The following CEACAM3 variants were observed in gnomAD, a reference collection of about 807,000 sequenced individuals.
CEACAM3 encodes CEA cell adhesion molecule 3.
CEACAM3 carries 32 observed loss-of-function variants against 30.1 expected under a neutral mutation model. That is an observed-to-expected ratio of 1.06 (90% confidence interval 0.80 to 1.43). CEACAM3 has a LOEUF of 1.43. Ranked by LOEUF, CEACAM3 falls within the 40% of genes most tolerant of loss-of-function variation. The pLI, the probability that CEACAM3 is intolerant of heterozygous loss-of-function variation, is 0.00. For synonymous variants in CEACAM3, 134 were observed against 127.2 expected, an observed-to-expected ratio of 1.05 and a Z score of -0.36; for missense variants, 290 against 316.3, an observed-to-expected ratio of 0.92 and a Z score of 0.63.
intron 2 of CEACAM3, among the ~76,000 whole-genome samples, chr19:41,803,795 A>G (rs1038355092): frequency 8.8e-6 from 1 of 113,008 alleles, no homozygotes; most frequent in Non-Finnish European, 2.1e-5. Flanking sequence ...AAGAGTGGGA[A>G]AAGGCCGGGC....
intron 3 of CEACAM3, 185 bp from the exon 4 acceptor site, chr19:41,809,780 G>T: frequency 1.5e-6 from 1 of 659,384 alleles, no homozygotes; most frequent in Non-Finnish European, 2.8e-6. Flanking sequence ...GCTCAGGACA[G>T]ATGTGGGTTC....
intron 2 of CEACAM3, among the ~76,000 whole-genome samples, chr19:41,802,273 T>C (rs1240723828): frequency 2.0e-5 from 3 of 152,206 alleles, no homozygotes; most frequent in Non-Finnish European, 4.4e-5. Flanking sequence ...CCCTAGAGAC[T>C]TCTGGTGTCC....
intron 2 of CEACAM3, among the ~76,000 whole-genome samples, chr19:41,803,310 G>A (rs2073166868): frequency 1.3e-5 from 2 of 152,116 alleles, no homozygotes; most frequent in Non-Finnish European, 2.9e-5. Flanking sequence ...TAAGGTAAAT[G>A]AAGAATGCCC....
intron 2 of CEACAM3, among the ~76,000 whole-genome samples, chr19:41,803,953 T>C (rs1291636225): frequency 6.6e-6 from 1 of 151,996 alleles, no homozygotes; most frequent in Non-Finnish European, 1.5e-5. Flanking sequence ...TGATGACAGA[T>C]GCCTATAATC....
rs1370218942 is a variant in CEACAM3, at chr19:41,811,537, A to C, written c.*300A>C. On this transcript the variant is annotated 3_prime_UTR_variant, in exon 7 of 7. Coordinates refer to ENST00000357396, the MANE Select transcript of CEACAM3 (RefSeq NM_001815.5). The stretch of plus-strand genomic sequence containing the variant: ...GGTCACTTGGAAAGGATCTGAATAA[A>C]GGGGACCCTTCCTCTCATTAGCTGT... The C allele has an allele frequency of 1.6e-5, 6 of 377,852 alleles. No homozygotes were observed. Among genetic ancestry groups the C allele is most frequent in the Non-Finnish European group, 3.0e-5 (6 of 201,686 alleles). The allele number at this position is 377,852 out of a possible 1,614,324, so 23.4% of individuals were successfully genotyped here. A position where few individuals can be genotyped will look rare whatever the true frequency, so the allele number is the denominator to read the frequency against.
chr19:41,802,425 G>A (rs1320598324), intron 2 of CEACAM3, among the ~76,000 whole-genome samples: 1 of 152,212 alleles, frequency 6.6e-6, no homozygotes, highest in African/African-American at 2.4e-5. Flanking sequence ...TGGAGAGACC[G>A]ACAGGCAAAG....
intron 2 of CEACAM3, 149 bp from the exon 3 acceptor site, chr19:41,808,664 G>A: frequency 1.6e-6 from 1 of 641,446 alleles, no homozygotes; most frequent in Non-Finnish European, 2.7e-6. Flanking sequence ...GAAAGCAAGG[G>A]AATCTGTGAT....
In CEACAM3 at chr19:41,796,745, A is replaced by G. The variant is rs782592733; in HGVS notation, c.64+4A>G. ...TGGCAGGGGCTTCTGCTCACAGGTG[A>G]GTGGAGGATTCCTGGGAGTGGGCAA... On this transcript the variant is annotated splice_donor_region_variant and intron_variant, in intron 1 of 6. Transcript: ENST00000357396. The G allele has an allele frequency of 3.1e-6, 5 of 1,611,028 alleles. No individual in the cohort carries two copies. In the African/African-American group the frequency reaches 6.7e-5, roughly 22 times the overall value.
intron 2 of CEACAM3, among the ~76,000 whole-genome samples, chr19:41,802,951 C>T (rs2073164016): frequency 6.6e-6 from 1 of 152,116 alleles, no homozygotes; most frequent in Non-Finnish European, 1.5e-5. Flanking sequence ...ACCACAGAAC[C>T]CTTCCCTCCC....
At chr19:41,807,050 T>G (rs2123015623) in intron 2 of CEACAM3, 3 of 1,605,126 alleles carry the variant, frequency 1.9e-6, no homozygotes, top group East Asian at 2.2e-5. Context: ...CTGATTAAAA[T>G]ATGCCTGTGG....
At chr19:41,799,212 T>C (rs2073127716) in intron 2 of CEACAM3, among the ~76,000 whole-genome samples, 1 of 152,160 alleles carries the variant, frequency 6.6e-6, no homozygotes, top group Non-Finnish European at 1.5e-5. Context: ...GATTGGATCA[T>C]GGGGGGCTGT....
intron 2 of CEACAM3, among the ~76,000 whole-genome samples, chr19:41,799,680 G>T (rs373808180): frequency 5.3e-5 from 8 of 152,238 alleles, no homozygotes; most frequent in African/African-American, 1.9e-4. Context: ...CCCACAGGAG[G>T]ATAAAACACT....
At chr19:41,798,113 T>A in intron 2 of CEACAM3, 165 bp downstream of exon 2, 1 of 1,213,888 alleles carries the variant, frequency 8.2e-7, no homozygotes, top group Non-Finnish European at 1.1e-6. Context: ...CTTCCACAGA[T>A]CAGAATTCCT....
intron 2 of CEACAM3, among the ~76,000 whole-genome samples, chr19:41,801,315 G>T (rs2073144939): frequency 6.6e-6 from 1 of 152,202 alleles, no homozygotes; most frequent in African/African-American, 2.4e-5. Context: ...TCATGAGCCA[G>T]TGTCCCCAGG....
At chr19:41,798,527 G>T (rs2073122148) in intron 2 of CEACAM3, among the ~76,000 whole-genome samples, 1 of 152,242 alleles carries the variant, frequency 6.6e-6, no homozygotes, top group African/African-American at 2.4e-5. Flanking sequence ...TCCTGGGCAA[G>T]GACAGGGCCT....
intron 2 of CEACAM3, among the ~76,000 whole-genome samples, chr19:41,804,783 G>A (rs1435697893): frequency 6.6e-6 from 1 of 151,198 alleles, no homozygotes; most frequent in Non-Finnish European, 1.5e-5. Context: ...CAGACCTTTC[G>A]ACCATTAATA....
At chr19:41,801,695 G>A (rs1159455146) in intron 2 of CEACAM3, among the ~76,000 whole-genome samples, 2 of 152,138 alleles carry the variant, frequency 1.3e-5, no homozygotes, top group Admixed American at 6.5e-5. Context: ...AACTGATCCT[G>A]GTGTGCTGAA....
At chr19:41,801,206 G>C (rs2073143970) in intron 2 of CEACAM3, among the ~76,000 whole-genome samples, 1 of 152,140 alleles carries the variant, frequency 6.6e-6, no homozygotes, top group Non-Finnish European at 1.5e-5. Context: ...AAGACTGGCT[G>C]TTCTGTTCCC....
At chr19:41,811,020 G>T (rs1048809800) in intron 6 of CEACAM3, 123 bp downstream of exon 6, 11 of 1,258,678 alleles carry the variant, frequency 8.7e-6, no homozygotes, top group Non-Finnish European at 1.2e-5. Context: ...CGGGGGTGGC[G>T]AGCAGAGGAG....
Sources: allele counts gnomAD v4.1 joint callset (sites outside exome capture counted in the v4.1 genomes callset), GRCh38; gene constraint gnomAD v4.1.1; transcripts MANE v1.5; gene names NCBI Gene and HGNC (gene_info 2026-07-23, HGNC 2026-07-21).